CSMD1: variants seen among roughly 807,000 people sequenced by gnomAD.
CSMD1 encodes CUB and Sushi multiple domains 1.
CSMD1 carries 213 observed loss-of-function variants against 417.5 expected under a neutral mutation model. That is an observed-to-expected ratio of 0.51 (90% CI 0.46 to 0.57). CSMD1 has a LOEUF of 0.57. Ranked by LOEUF, CSMD1 falls within the 20% of genes least tolerant of loss-of-function variation. The pLI is 0.00. For missense variants in CSMD1, 6,923 were observed against 4,529.7 expected (o/e 1.53, Z -15.17); for synonymous variants, 2,862 against 1,736.8 (o/e 1.65, Z -16.11).
At position 3,577,760 on chromosome 8, in the gene CSMD1, C is replaced by G. The variant is rs186925912; in HGVS notation, c.1223-2694G>C. Among the ~76,000 whole-genome samples, 910 of 152,310 alleles carry G rather than the reference C, an allele frequency of 6.0e-3. 2 individuals carry two copies. Among genetic ancestry groups the G allele is most frequent in the Non-Finnish European group, 8.7e-3 (592 of 68,024 alleles). ...TTTGCCTTTCTAAATCTTCTCCAACCTAATCATCTGCTTCTTTACCATCTG... is the reference window on the plus strand; with the variant it reads ...TTTGCCTTTCTAAATCTTCTCCAACGTAATCATCTGCTTCTTTACCATCTG... On this transcript the variant is annotated intron_variant, in intron 9 of 69. Coordinates refer to ENST00000635120, the MANE Select transcript of CSMD1 (RefSeq NM_033225.6).
At chr8:3,853,406 A>G (rs1238993632) in intron 5 of CSMD1, among the ~76,000 whole-genome samples, 6 of 152,164 alleles carry the variant, frequency 3.9e-5, no homozygotes, top group Non-Finnish European at 7.3e-5. Flanking sequence ...ACGCTCTATA[A>G]TTTACTTTAA....
At chr8:3,311,218 T>C (rs958631837) in intron 23 of CSMD1, among the ~76,000 whole-genome samples, 1 of 152,178 alleles carries the variant, frequency 6.6e-6, no homozygotes, top group Admixed American at 6.5e-5. Context: ...TAAGAAATTG[T>C]TGACATGAGA....
intron 1 of CSMD1, among the ~76,000 whole-genome samples, chr8:4,956,933 G>T (rs1026164603): frequency 6.6e-6 from 1 of 152,146 alleles, no homozygotes; most frequent in African/African-American, 2.4e-5. Flanking sequence ...AATTGCACTG[G>T]ACACAAGGGA....
chr8:4,238,221 T>A (rs1405042325), intron 3 of CSMD1, among the ~76,000 whole-genome samples: 2 of 152,104 alleles, frequency 1.3e-5, no homozygotes, highest in East Asian at 1.9e-4. Context: ...CCCTATAAAA[T>A]GGGCTGAGGG....
intron 52 of CSMD1, among the ~76,000 whole-genome samples, chr8:3,014,175 C>T (rs17079056): frequency 2.1e-5 from 3 of 145,478 alleles, no homozygotes; most frequent in East Asian, 2.0e-4. Context: ...ATGCCCTGAT[C>T]GAAGATAGGA....
At chr8:3,716,453 T>C (rs1429829106) in intron 6 of CSMD1, among the ~76,000 whole-genome samples, 3 of 152,216 alleles carry the variant, frequency 2.0e-5, no homozygotes, top group Non-Finnish European at 2.9e-5. Context: ...CCTCCCTTTT[T>C]TAGACCATAT....
chr8:4,902,089 G>A (rs1338657412), intron 1 of CSMD1, among the ~76,000 whole-genome samples: 1 of 151,964 alleles, frequency 6.6e-6, no homozygotes, highest in African/African-American at 2.4e-5. Flanking sequence ...TATATTTGTT[G>A]ATTTTCATCT....
At chr8:3,432,161 T>C (rs960101705) in intron 12 of CSMD1, among the ~76,000 whole-genome samples, 1 of 152,180 alleles carries the variant, frequency 6.6e-6, no homozygotes, top group Admixed American at 6.5e-5. Context: ...TGGTAATACC[T>C]GAACTTCTTA....
chr8:4,574,339 A>C (rs1799035405), intron 2 of CSMD1, among the ~76,000 whole-genome samples: 1 of 152,174 alleles, frequency 6.6e-6, no homozygotes, highest in Non-Finnish European at 1.5e-5. Flanking sequence ...CCATCCCTCA[A>C]CGGCGTAGTC....
intron 3 of CSMD1, among the ~76,000 whole-genome samples, chr8:4,396,720 CATTTGCAGCAACCTGG>C (rs1804248534): frequency 6.6e-6 from 1 of 152,050 alleles, no homozygotes; most frequent in African/African-American, 2.4e-5. Context: ...GAAATCATGG[CATTTGCAGCAACCTGG>C]ATGGAAATGG....
At chr8:2,947,076 T>C (rs1802292679) in intron 68 of CSMD1, among the ~76,000 whole-genome samples, 1 of 152,216 alleles carries the variant, frequency 6.6e-6, no homozygotes, top group South Asian at 2.1e-4. Flanking sequence ...TATTTGCCTC[T>C]GTATTATTGA....
At chr8:4,046,667 G>C (rs931930815) in intron 3 of CSMD1, among the ~76,000 whole-genome samples, 11 of 152,090 alleles carry the variant, frequency 7.2e-5, no homozygotes, top group Admixed American at 1.3e-4. Context: ...TATACACTGG[G>C]AATGTTTATT....
chr8:3,854,077 ATAC>A (rs1804120045), intron 5 of CSMD1, among the ~76,000 whole-genome samples: 1 of 146,432 alleles, frequency 6.8e-6, no homozygotes, highest in Non-Finnish European at 1.5e-5. Flanking sequence ...AGCATATAAT[ATAC>A]TAAAGAAAAA....
At chr8:4,616,013 T>C (rs1460651780) in intron 2 of CSMD1, among the ~76,000 whole-genome samples, 2 of 152,302 alleles carry the variant, frequency 1.3e-5, no homozygotes, top group South Asian at 2.1e-4. Flanking sequence ...TAGATAATTC[T>C]CAAAGCAATT....
chr8:3,788,563 T>C, intron 5 of CSMD1, among the ~76,000 whole-genome samples: 1 of 152,224 alleles, frequency 6.6e-6, no homozygotes, highest in Non-Finnish European at 1.5e-5. Context: ...ATCCGTCAAT[T>C]AATTTAATGC....
At chr8:4,000,918 G>C (rs1039872596) in intron 4 of CSMD1, among the ~76,000 whole-genome samples, 6 of 151,950 alleles carry the variant, frequency 3.9e-5, no homozygotes, top group African/African-American at 9.7e-5. Context: ...CAAAGTCCAC[G>C]TTACCAAAAT....
At chr8:3,153,765 C>T (rs932072421) in intron 39 of CSMD1, among the ~76,000 whole-genome samples, 3 of 152,162 alleles carry the variant, frequency 2.0e-5, no homozygotes, top group African/African-American at 4.8e-5. Flanking sequence ...CACAGACCAA[C>T]TCTCTGTGTG....
At chr8:4,666,536 T>G (rs964053908) in intron 1 of CSMD1, among the ~76,000 whole-genome samples, 1 of 152,200 alleles carries the variant, frequency 6.6e-6, no homozygotes, top group Non-Finnish European at 1.5e-5. Context: ...GATAATACTT[T>G]GATTTTTGAC....
intron 1 of CSMD1, among the ~76,000 whole-genome samples, chr8:4,741,528 T>A (rs556762815): frequency 3.9e-5 from 6 of 152,158 alleles, no homozygotes; most frequent in East Asian, 1.9e-4. Context: ...ACAAAAATAA[T>A]TGCATGTTTT....
Sources: allele counts gnomAD v4.1 joint callset (sites outside exome capture counted in the v4.1 genomes callset), GRCh38; gene constraint gnomAD v4.1.1; transcripts MANE v1.5; gene names NCBI Gene and HGNC (gene_info 2026-07-23, HGNC 2026-07-21).